NAV2: variants seen among roughly 807,000 people sequenced by gnomAD.
The protein encoded by NAV2 is neuron navigator 2, also known as helicase, APC down-regulated 1.
A neutral mutation model predicts 223.2 loss-of-function variants in NAV2; 54 were observed. That is an observed-to-expected ratio of 0.24 (90% CI 0.19 to 0.30). NAV2 has a LOEUF of 0.30. Among genes scored for constraint, NAV2 ranks in the 10% least tolerant of loss-of-function variants. The probability of loss-of-function intolerance (pLI) is 1.00; values close to 1 mark genes in which losing one functional copy is unlikely to be tolerated. For synonymous variants in NAV2, 1,279 were observed against 1,239.3 expected, an observed-to-expected ratio of 1.03 and a Z score of -0.67; for missense variants, 2,806 against 3,147.5, an observed-to-expected ratio of 0.89 and a Z score of 2.60.
intron 1 of NAV2, among the ~76,000 whole-genome samples, chr11:19,436,282 A>T (rs958959992): frequency 6.6e-6 from 1 of 152,146 alleles, no homozygotes; most frequent in Non-Finnish European, 1.5e-5. Context: ...TAATTTCATT[A>T]TTCTGCATGT....
At chr11:19,860,300 C>T (rs1470290186) in intron 3 of NAV2, among the ~76,000 whole-genome samples, 2 of 138,300 alleles carry the variant, frequency 1.4e-5, no homozygotes, top group East Asian at 2.2e-4. Flanking sequence ...CGGAGGGGCT[C>T]CTCACTTCTC....
At chr11:19,831,553 T>C (rs2059944317) in intron 1 of NAV2, among the ~76,000 whole-genome samples, 1 of 152,194 alleles carries the variant, frequency 6.6e-6, no homozygotes. Flanking sequence ...ATATACACTC[T>C]TCTGCAAACT....
At chr11:19,585,039 C>G (rs1259460894) in intron 1 of NAV2, among the ~76,000 whole-genome samples, 15 of 152,166 alleles carry the variant, frequency 9.9e-5, no homozygotes. Context: ...TCTCTAAGGA[C>G]TTGCTTCATG....
intron 5 of NAV2, among the ~76,000 whole-genome samples, chr11:19,887,089 C>T (rs1362896314): frequency 6.6e-6 from 1 of 152,038 alleles, no homozygotes; most frequent in Non-Finnish European, 1.5e-5. Context: ...AAGAAGCAGT[C>T]CTACCCCTTC....
intron 1 of NAV2, among the ~76,000 whole-genome samples, chr11:19,751,992 T>C (rs909625104): frequency 6.6e-6 from 1 of 152,186 alleles, no homozygotes; most frequent in Non-Finnish European, 1.5e-5. Context: ...TCTAAAACCA[T>C]CTTCTTTCCA....
chr11:19,655,838 C>T (rs2048108798), intron 1 of NAV2, among the ~76,000 whole-genome samples: 1 of 151,912 alleles, frequency 6.6e-6, no homozygotes, highest in Non-Finnish European at 1.5e-5. Flanking sequence ...CACATGCATA[C>T]ATATGTAACA....
At chr11:20,049,952 CA>C in intron 16 of NAV2, 51 bp downstream of exon 16, 2 of 1,563,544 alleles carry the variant, frequency 1.3e-6, no homozygotes, top group Non-Finnish European at 1.8e-6. Flanking sequence ...TTCTTCTGCC[CA>C]TTCGTTGTCA....
At chr11:19,539,829 A>G (rs1259296079) in intron 1 of NAV2, among the ~76,000 whole-genome samples, 1 of 152,234 alleles carries the variant, frequency 6.6e-6, no homozygotes, top group South Asian at 2.1e-4. Flanking sequence ...AGGGTTGAAT[A>G]GTTCTCTTGA....
At chr11:19,888,761 G>T (rs2041242586) in intron 5 of NAV2, among the ~76,000 whole-genome samples, 1 of 151,896 alleles carries the variant, frequency 6.6e-6, no homozygotes, top group Non-Finnish European at 1.5e-5. Flanking sequence ...CTTTCTACAG[G>T]CTTTGCTTCA....
rs1389536291 is a variant in NAV2, at chr11:19,360,440, T to A, written c.75+9413T>A. 4.6e-5 allele frequency among the ~76,000 whole-genome samples: 7 copies of A among 152,330 alleles called. No individual in the cohort carries two copies. In the East Asian group the frequency reaches 1.3e-3, roughly 29 times the overall value. On this transcript the variant is annotated intron_variant, in intron 1 of 37. Transcript: ENST00000360655. Reference sequence around the variant, plus strand: ...GCTATATTTGGAGTTGTGCCCAATCTCTCCCCTGTTGAAATTTTTGCTTTT... The same window carrying A: ...GCTATATTTGGAGTTGTGCCCAATCACTCCCCTGTTGAAATTTTTGCTTTT...
chr11:19,394,455 A>T (rs1054436088), intron 1 of NAV2, among the ~76,000 whole-genome samples: 3 of 152,234 alleles, frequency 2.0e-5, no homozygotes, highest in East Asian at 1.9e-4. Context: ...CCCATGCTAG[A>T]CTCTGGGCGC....
intron 1 of NAV2, among the ~76,000 whole-genome samples, chr11:19,559,461 G>T (rs548930850): frequency 1.5e-4 from 23 of 152,306 alleles, no homozygotes; most frequent in African/African-American, 5.5e-4. Context: ...ACTAAATAAG[G>T]AAATGCCCAA....
chr11:20,078,175 G>A, intron 24 of NAV2, 71 bp downstream of exon 24: 1 of 1,033,704 alleles, frequency 9.7e-7, no homozygotes, highest in East Asian at 2.5e-5. Context: ...GACATCATAT[G>A]ATGCAACCTC....
chr11:19,869,141 G>A, intron 4 of NAV2, 144 bp downstream of exon 4: 2 of 755,744 alleles, frequency 2.6e-6, no homozygotes, highest in East Asian at 2.8e-5. Context: ...CTCAGTGGTT[G>A]CCTAGACTTG....
chr11:19,781,321 A>C (rs1277182366), intron 1 of NAV2, among the ~76,000 whole-genome samples: 1 of 152,126 alleles, frequency 6.6e-6, no homozygotes, highest in Non-Finnish European at 1.5e-5. Context: ...TCACTGCTGC[A>C]GTTCTCTCTG....
chr11:19,530,113 GT>G, intron 1 of NAV2, among the ~76,000 whole-genome samples: 1 of 152,296 alleles, frequency 6.6e-6, no homozygotes, highest in Non-Finnish European at 1.5e-5. Context: ...ACTGGAAGTG[GT>G]GAGGAAGATC....
intron 1 of NAV2, among the ~76,000 whole-genome samples, chr11:19,813,935 A>G (rs1443753620): frequency 6.6e-6 from 1 of 152,078 alleles, no homozygotes; most frequent in Non-Finnish European, 1.5e-5. Context: ...GTGTTTAGAG[A>G]TGGTTTCAAT....
chr11:20,028,724 A>G (rs920675), intron 11 of NAV2, among the ~76,000 whole-genome samples: 86,730 of 152,004 alleles, frequency 0.57, 26,614 homozygotes, highest in Admixed American at 0.69. Context: ...ATGGGGGTGG[A>G]ATAATATAAA....
intron 11 of NAV2, among the ~76,000 whole-genome samples, chr11:19,994,324 A>T (rs2051645308): frequency 6.6e-6 from 1 of 152,194 alleles, no homozygotes; most frequent in Non-Finnish European, 1.5e-5. Context: ...AGGCAGACGG[A>T]TCACCTAAGG....
Sources: gnomAD v4.1 joint callset for allele counts (sites outside exome capture counted in the v4.1 genomes callset) on GRCh38, gnomAD v4.1.1 for gene constraint, MANE v1.5 for transcripts, NCBI Gene and HGNC (gene_info 2026-07-23, HGNC 2026-07-21) for gene names.